The following GRK7 variants were observed in gnomAD, a reference collection of about 807,000 sequenced individuals.
GRK7 encodes the protein rhodopsin kinase GRK7.
Under a neutral mutation model 34.1 loss-of-function variants are expected in GRK7, and 24 were observed. That is an observed-to-expected ratio of 0.70 (90% CI 0.51 to 0.99). GRK7 has a LOEUF of 0.99. Among genes scored for constraint, GRK7 ranks in the 50% least tolerant of loss-of-function variants. The pLI is 0.00. For missense variants in GRK7, 644 were observed against 707.3 expected, an observed-to-expected ratio of 0.91 and a Z score of 1.02; for synonymous variants, 256 against 279.4, an observed-to-expected ratio of 0.92 and a Z score of 0.84.
chr3:141,799,605 C>A (rs186549982), intron 4 of GRK7, among the ~76,000 whole-genome samples: 1 of 149,140 alleles, frequency 6.7e-6, no homozygotes, highest in South Asian at 2.1e-4. Flanking sequence ...GAGTGAGGCT[C>A]GGTCTAAAAA....
chr3:141,805,951 T>C (rs1711031896), intron 4 of GRK7, among the ~76,000 whole-genome samples: 1 of 152,138 alleles, frequency 6.6e-6, no homozygotes, highest in Admixed American at 6.5e-5. Context: ...CACACACCAC[T>C]GCATCCAACT....
chr3:141,775,802 A>G (rs889975754), intron 2 of GRK7, among the ~76,000 whole-genome samples: 1 of 151,084 alleles, frequency 6.6e-6, no homozygotes, highest in African/African-American at 2.4e-5. Flanking sequence ...TTTTTTTTTT[A>G]TCATATTAAT....
At chr3:141,785,048 A>G (rs1370483335) in intron 4 of GRK7, among the ~76,000 whole-genome samples, 2 of 152,160 alleles carry the variant, frequency 1.3e-5, no homozygotes, top group Non-Finnish European at 2.9e-5. Context: ...TCCTTTCCTT[A>G]TAAAATACTT....
In GRK7 at chr3:141,778,050, C is replaced by A. The variant is rs1431841352; in HGVS notation, c.-113-122C>A. The A allele has an allele frequency of 3.0e-5, 15 of 505,926 alleles. No individual in the cohort carries two copies. The highest frequency in any genetic ancestry group is 4.8e-5 in the Non-Finnish European group (14 of 292,668). 31.3% of individuals were successfully genotyped at this position (505,926 alleles called of 1,614,324 possible). ...GTGGCCCCGGCAGGTGTCCCAGCAG[C>A]TTTCGCCTTGGCAGGTGGGAGCATG... On this transcript the variant is annotated intron_variant, in intron 2 of 5. Transcript: ENST00000682958. The surrounding 1 kb of genome is among the most constrained non-coding windows in gnomAD (Gnocchi z 4.1).
At chr3:141,816,046 T>C (rs1711148991) in intron 5 of GRK7, among the ~76,000 whole-genome samples, 1 of 152,188 alleles carries the variant, frequency 6.6e-6, no homozygotes, top group African/African-American at 2.4e-5. Context: ...AATAGAAAAC[T>C]AAATTAATAG....
chr3:141,814,513 A>C (rs1711128177), intron 5 of GRK7, among the ~76,000 whole-genome samples: 1 of 152,186 alleles, frequency 6.6e-6, no homozygotes, highest in African/African-American at 2.4e-5. Context: ...CACTTAAGAA[A>C]ATGGTCTCCA....
chr3:141,793,938 G>A (rs2084737633), intron 4 of GRK7, among the ~76,000 whole-genome samples: 1 of 152,186 alleles, frequency 6.6e-6, no homozygotes. Context: ...CAAAGAGTGA[G>A]TAGAGACCCT....
chr3:141,784,321 C>T (rs964979971), intron 4 of GRK7, among the ~76,000 whole-genome samples: 14 of 152,214 alleles, frequency 9.2e-5, no homozygotes, highest in African/African-American at 3.1e-4. Context: ...TTTACCTCTG[C>T]ATCCCTCTCC....
intron 5 of GRK7, among the ~76,000 whole-genome samples, chr3:141,812,928 G>A (rs1711107629): frequency 6.6e-6 from 1 of 152,134 alleles, no homozygotes; most frequent in South Asian, 2.1e-4. Flanking sequence ...TCTTCCCTGT[G>A]GCACCTAGTC....
At chr3:141,754,432 CT>C in the GRK7 span, among the ~76,000 whole-genome samples, 24,945 of 119,364 alleles carry the variant, frequency 0.21, 2,023 homozygotes, top group African/African-American at 0.37. Flanking sequence ...TCACCACTGT[CT>C]TTTTTTTTTT....
In GRK7 at chr3:141,789,656, C is replaced by CAAAAAAAAAAAAAAA. The variant is rs60765509; in HGVS notation, c.1050+8859_1050+8860insAAAAAAAAAAAAAAA. 3.1e-3 allele frequency among the ~76,000 whole-genome samples: 370 copies of CAAAAAAAAAAAAAAA among 119,128 alleles called. 19 individuals carry two copies. Among genetic ancestry groups the CAAAAAAAAAAAAAAA allele is most frequent in the African/African-American group, 0.01 (296 of 28,616 alleles). 78.2% of individuals were successfully genotyped at this position (119,128 alleles called of 152,430 possible). ...AGATGGGGACTGGATGCCAAATGGG[C>CAAAAAAAAAAAAAAA]AAAAAAAAAAAAAACACAAAACAGT... On this transcript the variant is annotated intron_variant, in intron 4 of 5. Coordinates refer to ENST00000682958, the MANE Select transcript of GRK7 (RefSeq NM_139209.3).
the GRK7 span, among the ~76,000 whole-genome samples, chr3:141,753,323 C>G: frequency 3.3e-5 from 5 of 152,256 alleles, no homozygotes; most frequent in African/African-American, 9.6e-5. Flanking sequence ...TTGGCCAAAC[C>G]ATTTCGTGGT....
chr3:141,771,978 A>G (rs2084619256), intron 1 of GRK7, among the ~76,000 whole-genome samples: 1 of 151,358 alleles, frequency 6.6e-6, no homozygotes, highest in South Asian at 2.1e-4. Flanking sequence ...GAGCCACTGC[A>G]CCCAACCCGT....
rs969548068 is a variant in GRK7, at chr3:141,763,431, CACTA to C, written c.-2515_-2512del. The stretch of plus-strand genomic sequence containing the variant: ...AGCTTCCACCCTTAGCTCTCAAACC[CACTA>C]ACTAACCCAGCAAAGTCTGGGGGGC... On this transcript the variant is annotated 5_prime_UTR_variant, in exon 1 of 6. Coordinates refer to ENST00000682958, the MANE Select transcript of GRK7 (RefSeq NM_139209.3). Among the ~76,000 whole-genome samples, 1 of 152,154 alleles carries C rather than the reference CACTA, an allele frequency of 6.6e-6. No individual in the cohort carries two copies. The highest frequency in any genetic ancestry group is 1.5e-5 in the Non-Finnish European group (1 of 68,034).
chr3:141,816,878 T>A lies in GRK7; in HGVS notation c.1490T>A (p.Phe497Tyr), dbSNP rs960392256. 6.2e-7 allele frequency: 1 copy of A among 1,614,116 alleles called. No homozygotes were observed. Among genetic ancestry groups the A allele is most frequent in the Non-Finnish European group, 8.5e-7 (1 of 1,180,024 alleles). Residue 497 changes from phenylalanine to tyrosine, a missense_variant, in exon 6 of 6, where the codon TTT (phenylalanine) becomes TAT (tyrosine). By Grantham distance (22) the Phe-to-Tyr change is conservative. Transcript: ENST00000682958. ...DDFSEVRGVEFDDKDKQFFKN... is the reference protein window; with the variant it reads ...DDFSEVRGVEYDDKDKQFFKN... ...TTCTCTGAGGTTCGGGGGGTGGAAT[T>A]TGATGACAAAGATAAGCAGTTCTTC...
At chr3:141,776,024 T>C (rs4327361) in intron 2 of GRK7, among the ~76,000 whole-genome samples, 122,529 of 152,082 alleles carry the variant, frequency 0.81, 49,999 homozygotes, top group African/African-American at 0.94. Flanking sequence ...GTGGCTCACA[T>C]CTGTAATCCC....
intron 4 of GRK7, among the ~76,000 whole-genome samples, chr3:141,804,676 T>C (rs1256679225): frequency 1.3e-5 from 2 of 148,206 alleles, no homozygotes; most frequent in Admixed American, 1.4e-4. Flanking sequence ...CATGCACAGA[T>C]ACACACATAC....
At chr3:141,756,090 T>C in the GRK7 span, among the ~76,000 whole-genome samples, 1 of 150,816 alleles carries the variant, frequency 6.6e-6, no homozygotes, top group South Asian at 2.1e-4. Context: ...GGTGAGCAGA[T>C]CACTTGAGGT....
intron 5 of GRK7, among the ~76,000 whole-genome samples, chr3:141,814,043 A>G (rs1283823448): frequency 6.6e-6 from 1 of 152,154 alleles, no homozygotes; most frequent in East Asian, 1.9e-4. Flanking sequence ...TGTTGTAGTT[A>G]TCATCTGACA....
Sources: allele counts gnomAD v4.1 joint callset (sites outside exome capture counted in the v4.1 genomes callset), GRCh38; gene constraint gnomAD v4.1.1; non-coding constraint Gnocchi (gnomAD v3.1); transcripts MANE v1.5; gene names NCBI Gene and HGNC (gene_info 2026-07-23, HGNC 2026-07-21).